Variants in NUP133 observed in about 807,000 individuals in gnomAD.
NUP133 encodes the protein nucleoporin 133, also known as nuclear pore complex protein Nup133.
NUP133 carries 66 observed loss-of-function variants against 146.2 expected under a neutral mutation model. The observed-to-expected ratio is 0.45, with a 90% CI of 0.37 to 0.55. The LOEUF is 0.55. NUP133 is among the 20% of genes least tolerant of loss of function. The pLI is 0.00. For missense variants in NUP133, 1,277 were observed against 1,374.8 expected, an observed-to-expected ratio of 0.93 and a Z score of 1.12; for synonymous variants, 521 against 498.8, an observed-to-expected ratio of 1.04 and a Z score of -0.59.
At chr1:229,443,291 C>A (rs1364142427) in intron 25 of NUP133, among the ~76,000 whole-genome samples, 1 of 151,802 alleles carries the variant, frequency 6.6e-6, no homozygotes, top group Admixed American at 6.6e-5. Flanking sequence ...TCTCCTGCCT[C>A]GGCCTCCCAA....
intron 22 of NUP133, among the ~76,000 whole-genome samples, chr1:229,452,015 T>C (rs1297055039): frequency 2.0e-5 from 3 of 152,212 alleles, no homozygotes; most frequent in Non-Finnish European, 2.9e-5. Context: ...CCTTTTCATA[T>C]AGATAGAACA....
chr1:229,456,301 C>A (rs956802008), intron 21 of NUP133, among the ~76,000 whole-genome samples: 2 of 152,138 alleles, frequency 1.3e-5, no homozygotes, highest in African/African-American at 4.8e-5. Context: ...CCTCTGGTGA[C>A]CAGTTATTCA....
Position 229,463,543 on chromosome 1 carries a change from CTGA to C in NUP133, c.2682_2684del (p.Asp894_Gln895delinsGlu), listed in dbSNP as rs1294375532. On this transcript the variant is annotated inframe_deletion and splice_region_variant, in exon 19 of 26. Transcript: ENST00000261396. Reference sequence around the variant, plus strand: ...TGGCCACACACCCAACACTCATCACCTGATCAGCAAACTGGGTCATGTAGCGCT... The same window carrying C: ...TGGCCACACACCCAACACTCATCACCTCAGCAAACTGGGTCATGTAGCGCT... 2 of 1,613,636 alleles carry C rather than the reference CTGA, an allele frequency of 1.2e-6. No individual in the cohort carries two copies. The highest frequency in any genetic ancestry group is 2.2e-5 in the South Asian group (2 of 90,960).
rs544435 is a variant in NUP133, at chr1:229,462,040, T to C, written c.2686-1271A>G. On this transcript the variant is annotated intron_variant, in intron 19 of 25. Coordinates refer to ENST00000261396, the MANE Select transcript of NUP133 (RefSeq NM_018230.3). Reference sequence around the variant, plus strand: ...ATGGAATTACAGGCACACGCCACCATGACTGGCTAATTTTTGTATTTTTAG... The same window carrying C: ...ATGGAATTACAGGCACACGCCACCACGACTGGCTAATTTTTGTATTTTTAG... Among the ~76,000 whole-genome samples the C allele has an allele frequency of 9.4e-3, 1,438 of 152,312 alleles. 5 individuals are homozygous for C. Among genetic ancestry groups the C allele is most frequent in the Middle Eastern group, 0.027 (8 of 294 alleles).
chr1:229,450,664 A>T lies in NUP133; in HGVS notation c.3100-59T>A, dbSNP rs1295093739. ...CAATCATGTAACTAATACTAGAGAC[A>T]TTTATGGAGAAAAGAAGTCATTATG... is the stretch of plus-strand genomic sequence containing the variant. On this transcript the variant is annotated intron_variant, in intron 22 of 25. Coordinates refer to ENST00000261396, the MANE Select transcript of NUP133 (RefSeq NM_018230.3). 5.0e-6 allele frequency: 4 copies of T among 800,192 alleles called. No homozygotes were observed. In the African/African-American group the frequency reaches 7.1e-5, roughly 14 times the overall value. The allele number at this position is 800,192 out of a possible 1,614,324, so 49.6% of individuals were successfully genotyped here.
At chr1:229,496,128 A>C in intron 6 of NUP133, 81 bp from the exon 7 acceptor site, 8 of 1,091,866 alleles carry the variant, frequency 7.3e-6, no homozygotes, top group Non-Finnish European at 1.0e-5. Flanking sequence ...GTCAAATTTC[A>C]CATATGTGAT....
At chr1:229,467,214 A>T (rs1435654984) in intron 15 of NUP133, among the ~76,000 whole-genome samples, 1 of 152,258 alleles carries the variant, frequency 6.6e-6, no homozygotes, top group African/African-American at 2.4e-5. Context: ...AGTAAGCAAC[A>T]TAAGAGAATG....
intron 21 of NUP133, among the ~76,000 whole-genome samples, chr1:229,453,510 CTTACTGCAATAGGAAATTTACTTT>C (rs1360458264): frequency 6.6e-6 from 1 of 152,182 alleles, no homozygotes. Flanking sequence ...GAAATCACTT[CTTACTGCAATAGGAAATTTACTTT>C]TTGCTGCAAT....
At chr1:229,475,547 G>A in intron 14 of NUP133, 91 bp downstream of exon 14, 1 of 922,084 alleles carries the variant, frequency 1.1e-6, no homozygotes, top group Non-Finnish European at 1.7e-6. Flanking sequence ...CCCACCCAAT[G>A]AAACACCTCA....
chr1:229,462,431 A>T (rs1660713604), intron 19 of NUP133, among the ~76,000 whole-genome samples: 1 of 152,216 alleles, frequency 6.6e-6, no homozygotes, highest in Non-Finnish European at 1.5e-5. Context: ...TTGTGTTTAT[A>T]GTGGTTTTCT....
intron 9 of NUP133, among the ~76,000 whole-genome samples, chr1:229,488,603 GT>G (rs1430115729): frequency 1.3e-5 from 2 of 151,130 alleles, no homozygotes; most frequent in African/African-American, 4.9e-5. Context: ...GTTTATTTCT[GT>G]TTGGCATAAA....
chr1:229,452,687 T>A, intron 21 of NUP133, 44 bp from the exon 22 acceptor site: 3 of 1,457,904 alleles, frequency 2.1e-6, no homozygotes, highest in Non-Finnish European at 2.8e-6. Context: ...TATGATGAAA[T>A]TTGACTTTTG....
intron 25 of NUP133, 32 bp downstream of exon 25, chr1:229,444,882 A>C (rs1160075637): frequency 2.8e-6 from 4 of 1,450,000 alleles, no homozygotes; most frequent in Non-Finnish European, 3.8e-6. Flanking sequence ...ATGACACTGT[A>C]ATTTCCAACG....
chr1:229,501,403 A>G (rs1359868268), intron 3 of NUP133, among the ~76,000 whole-genome samples: 1 of 152,230 alleles, frequency 6.6e-6, no homozygotes, highest in Non-Finnish European at 1.5e-5. Context: ...GTTCAGCAGA[A>G]GTGAAGAATT....
chr1:229,500,513 C>T (rs1661770474), intron 4 of NUP133, among the ~76,000 whole-genome samples: 1 of 152,112 alleles, frequency 6.6e-6, no homozygotes, highest in Admixed American at 6.5e-5. Context: ...CGTCAAAAAC[C>T]ATCCTTTCTG....
chr1:229,471,344 T>C (rs1461097293), intron 14 of NUP133, among the ~76,000 whole-genome samples: 2 of 152,260 alleles, frequency 1.3e-5, no homozygotes, highest in African/African-American at 4.8e-5. Context: ...CAAGATCTCC[T>C]GGCCACAAGC....
chr1:229,488,843 T>A (rs191036311), intron 9 of NUP133, among the ~76,000 whole-genome samples: 3 of 152,114 alleles, frequency 2.0e-5, no homozygotes, highest in Non-Finnish European at 2.9e-5. Context: ...CAAGACTTTA[T>A]CTCTTCAAAA....
intron 4 of NUP133, among the ~76,000 whole-genome samples, 176 bp downstream of exon 4, chr1:229,500,576 ATAAC>A (rs1661771373): frequency 6.6e-6 from 1 of 152,368 alleles, no homozygotes; most frequent in East Asian, 1.9e-4. Flanking sequence ...ATGTGGATCT[ATAAC>A]TGTATTCTCT....
At chr1:229,445,516 C>T (rs1660284241) in intron 24 of NUP133, among the ~76,000 whole-genome samples, 1 of 152,134 alleles carries the variant, frequency 6.6e-6, no homozygotes, top group Non-Finnish European at 1.5e-5. Context: ...GACAAAGTCT[C>T]GCTATGTTCC....
Sources: allele counts gnomAD v4.1 joint callset (sites outside exome capture counted in the v4.1 genomes callset), GRCh38; gene constraint gnomAD v4.1.1; transcripts MANE v1.5; gene names NCBI Gene and HGNC (gene_info 2026-07-23, HGNC 2026-07-21).